CCBE1: variants seen among roughly 807,000 people sequenced by gnomAD.
CCBE1 encodes the protein collagen and calcium-binding EGF domain-containing protein 1.
In CCBE1, 37 loss-of-function variants were observed where a neutral mutation model predicts 50.0. The observed-to-expected ratio is 0.74, with a 90% CI of 0.57 to 0.97. CCBE1 has a LOEUF of 0.97. Among genes scored for constraint, CCBE1 ranks in the 50% least tolerant of loss-of-function variants. The probability of loss-of-function intolerance (pLI) is 0.00; values close to 1 mark genes in which losing one functional copy is unlikely to be tolerated. For synonymous variants in CCBE1, 234 were observed against 203.7 expected, an observed-to-expected ratio of 1.15 and a Z score of -1.27; for missense variants, 538 against 523.8, an observed-to-expected ratio of 1.03 and a Z score of -0.26.
chr18:59,534,471 C>T (rs912369843), intron 2 of CCBE1, among the ~76,000 whole-genome samples: 3 of 152,210 alleles, frequency 2.0e-5, no homozygotes, highest in African/African-American at 4.8e-5. Context: ...TACATAACAA[C>T]CTGCATCTGA....
At chr18:59,541,177 G>T (rs753561501) in intron 2 of CCBE1, among the ~76,000 whole-genome samples, 3 of 152,144 alleles carry the variant, frequency 2.0e-5, no homozygotes, top group African/African-American at 7.2e-5. Flanking sequence ...TCATTGTTTA[G>T]TAGGATGATG....
At chr18:59,692,956 GCACA>G (rs59496597) in intron 2 of CCBE1, among the ~76,000 whole-genome samples, 7,933 of 86,552 alleles carry the variant, frequency 0.092, 241 homozygotes, top group Middle Eastern at 0.17. Context: ...TCAAGCCAAA[GCACA>G]CACACACACA....
At chr18:59,507,577 A>G (rs1913933204) in intron 2 of CCBE1, among the ~76,000 whole-genome samples, 1 of 152,170 alleles carries the variant, frequency 6.6e-6, no homozygotes, top group East Asian at 1.9e-4. Flanking sequence ...ACCCACTTCC[A>G]GAAAGTGTTG....
At position 59,627,786 on chromosome 18, in the gene CCBE1, GTCT is replaced by G. The variant is rs201013330; in HGVS notation, c.212+68840_212+68842del. Among the ~76,000 whole-genome samples the G allele has an allele frequency of 2.4e-3, 371 of 152,306 alleles. 9 individuals are homozygous for G. The East Asian group carries it at 0.037, about 15-fold the overall frequency. ...TTGGCCCCACAGACACCTTGATTCT[GTCT>G]TCTAACCTTCAGAACTATGAGGATA... is the stretch of plus-strand genomic sequence containing the variant. On this transcript the variant is annotated intron_variant, in intron 2 of 10. Transcript: ENST00000439986.
At chr18:59,655,197 T>C (rs2054173591) in intron 2 of CCBE1, among the ~76,000 whole-genome samples, 1 of 152,034 alleles carries the variant, frequency 6.6e-6, no homozygotes, top group Non-Finnish European at 1.5e-5. Flanking sequence ...AGGGCTTGAC[T>C]ATGAGGGCCT....
intron 2 of CCBE1, among the ~76,000 whole-genome samples, chr18:59,533,438 G>C (rs1915126274): frequency 6.6e-6 from 1 of 152,078 alleles, no homozygotes; most frequent in Admixed American, 6.6e-5. Context: ...ATTATAAAGA[G>C]AACACTTTTT....
chr18:59,595,542 T>C (rs114979793), intron 2 of CCBE1, among the ~76,000 whole-genome samples: 2,447 of 152,360 alleles, frequency 0.016, 33 homozygotes, highest in Middle Eastern at 0.054. Flanking sequence ...CACCATTACC[T>C]GAGTCCCTCT....
chr18:59,436,545 T>C (rs1371056393), intron 10 of CCBE1, among the ~76,000 whole-genome samples: 1 of 152,206 alleles, frequency 6.6e-6, no homozygotes, highest in African/African-American at 2.4e-5. Context: ...TAATTTCTTG[T>C]GGTTCAGTTT....
chr18:59,436,174 C>G (rs370681915), intron 10 of CCBE1, 33 bp from the exon 11 acceptor site: 77 of 1,595,060 alleles, frequency 4.8e-5, no homozygotes, highest in Non-Finnish European at 6.3e-5. Context: ...AGCTAGAATA[C>G]GACAGACAGC....
chr18:59,622,507 G>GAA (rs34431958), intron 2 of CCBE1, among the ~76,000 whole-genome samples: 3 of 131,848 alleles, frequency 2.3e-5, no homozygotes, highest in Admixed American at 7.5e-5. Flanking sequence ...TCATCTTAAA[G>GAA]AAAAAAAAAA....
intron 2 of CCBE1, among the ~76,000 whole-genome samples, chr18:59,572,255 G>A (rs80111756): frequency 0.054 from 8,155 of 152,000 alleles, 614 homozygotes; most frequent in African/African-American, 0.17. Flanking sequence ...GAGTTTAATC[G>A]AGCCAAGGCA....
intron 3 of CCBE1, among the ~76,000 whole-genome samples, chr18:59,475,489 T>G (rs2143755395): frequency 6.6e-6 from 1 of 152,354 alleles, no homozygotes; most frequent in East Asian, 1.9e-4. Context: ...TCACCCCTTA[T>G]TCACATCCTT....
chr18:59,546,524 G>A (rs1029299774), intron 2 of CCBE1, among the ~76,000 whole-genome samples: 3 of 152,194 alleles, frequency 2.0e-5, no homozygotes, highest in Non-Finnish European at 2.9e-5. Flanking sequence ...GTCCCCTGCA[G>A]GAAAGGCCAT....
intron 2 of CCBE1, among the ~76,000 whole-genome samples, chr18:59,693,838 G>A (rs1038145072): frequency 2.5e-4 from 35 of 141,918 alleles, no homozygotes; most frequent in Admixed American, 1.9e-3. Flanking sequence ...TCCTACACAC[G>A]AGAATATTTC....
At chr18:59,529,216 C>A (rs1325930762) in intron 2 of CCBE1, among the ~76,000 whole-genome samples, 1 of 152,222 alleles carries the variant, frequency 6.6e-6, no homozygotes, top group Non-Finnish European at 1.5e-5. Context: ...AGAGATGGGT[C>A]AGGGTCCAGC....
chr18:59,631,723 A>C (rs1355151489), intron 2 of CCBE1, among the ~76,000 whole-genome samples: 4 of 152,166 alleles, frequency 2.6e-5, no homozygotes, highest in South Asian at 4.1e-4. Context: ...CCAACTTAAG[A>C]AGCACTGGGC....
At chr18:59,595,114 C>CAAAAAAAAAA (rs546035209) in intron 2 of CCBE1, among the ~76,000 whole-genome samples, 2 of 73,578 alleles carry the variant, frequency 2.7e-5, no homozygotes, top group Admixed American at 1.6e-4. Context: ...GACTCTGTCT[C>CAAAAAAAAAA]AAAAAAAAAA....
chr18:59,693,864 C>CCT (rs2054769558), intron 2 of CCBE1, among the ~76,000 whole-genome samples: 1 of 70,734 alleles, frequency 1.4e-5, no homozygotes, highest in South Asian at 6.8e-4. Context: ...AAAGGAAAGC[C>CCT]TTTTTTTTTT....
At chr18:59,527,575 T>C (rs910115150) in intron 2 of CCBE1, among the ~76,000 whole-genome samples, 1 of 152,224 alleles carries the variant, frequency 6.6e-6, no homozygotes, top group African/African-American at 2.4e-5. Flanking sequence ...ACGTAGTTGC[T>C]TCACAGTGTC....
Sources: gnomAD v4.1 joint callset for allele counts (sites outside exome capture counted in the v4.1 genomes callset) on GRCh38, gnomAD v4.1.1 for gene constraint, MANE v1.5 for transcripts, NCBI Gene and HGNC (gene_info 2026-07-23, HGNC 2026-07-21) for gene names.